The following ABCA12 variants were observed in gnomAD, a reference collection of about 807,000 sequenced individuals.
ABCA12 encodes the protein glucosylceramide transporter ABCA12.
In ABCA12, 156 loss-of-function variants were observed where a neutral mutation model predicts 293.5. The ratio of observed to expected loss-of-function variants is 0.53; its 90% CI spans 0.47 to 0.61. The LOEUF is 0.61. Ranked by LOEUF, ABCA12 falls within the 20% of genes least tolerant of loss-of-function variation. ABCA12 has a pLI of 0.00. For synonymous variants in ABCA12, 1,063 were observed against 1,108.0 expected (o/e 0.96, Z 0.81); for missense variants, 2,797 against 3,090.2 (o/e 0.91, Z 2.25).
chr2:214,992,519 C>CA (rs1400544682), intron 23 of ABCA12, among the ~76,000 whole-genome samples: 13 of 62,066 alleles, frequency 2.1e-4, no homozygotes, highest in Non-Finnish European at 2.6e-4. Flanking sequence ...TAGTATCCCC[C>CA]CCCTTTTTTT....
At chr2:214,955,489 C>G in intron 42 of ABCA12, 128 bp from the exon 43 acceptor site, 1 of 893,628 alleles carries the variant, frequency 1.1e-6, no homozygotes, top group Non-Finnish European at 1.8e-6. Flanking sequence ...TGAGACCAGC[C>G]TGAGCAACTT....
chr2:214,967,104 A>G (rs1308311681), intron 38 of ABCA12, 151 bp from the exon 39 acceptor site: 1 of 748,276 alleles, frequency 1.3e-6, no homozygotes, highest in African/African-American at 1.8e-5. Context: ...ACTGTTCTCT[A>G]GAGTACTGAC....
At chr2:214,934,938 A>G (rs372490709) in intron 51 of ABCA12, among the ~76,000 whole-genome samples, 8 of 152,174 alleles carry the variant, frequency 5.3e-5, no homozygotes, top group Non-Finnish European at 7.4e-5. Flanking sequence ...AGTTACTGCA[A>G]CAGCCTCTTC....
intron 3 of ABCA12, 142 bp from the exon 4 acceptor site, chr2:215,054,806 C>G (rs1402227712): frequency 1.5e-6 from 1 of 651,790 alleles, no homozygotes; most frequent in Non-Finnish European, 2.8e-6. Flanking sequence ...GAAGAATTCA[C>G]CTAACCACAC....
chr2:214,947,793 C>T (rs560331744), intron 47 of ABCA12: 4 of 521,676 alleles, frequency 7.7e-6, no homozygotes, highest in South Asian at 6.3e-5. Context: ...TTCCCTCCCC[C>T]ACCAAACGTG....
At chr2:214,984,018 G>A (rs1204138953) in intron 28 of ABCA12, among the ~76,000 whole-genome samples, 153 bp from the exon 29 acceptor site, 2 of 147,750 alleles carry the variant, frequency 1.4e-5, no homozygotes, top group African/African-American at 2.5e-5. Flanking sequence ...ATGGGAATAA[G>A]AAATATTACT....
At chr2:215,018,736 T>A (rs1700560018) in intron 13 of ABCA12, among the ~76,000 whole-genome samples, 1 of 152,254 alleles carries the variant, frequency 6.6e-6, no homozygotes, top group South Asian at 2.1e-4. Context: ...TTTAGCAGAT[T>A]GTAATAATCA....
rs766442590 is a variant in ABCA12, at chr2:215,138,222, CA to C, written c.-15del. ...CAGGGAAGCCATCCTTCAAATGCCC[CA>C]AATGAGAGATTTCCTCTTCTTTTCT... On this transcript the variant is annotated 5_prime_UTR_variant, in exon 1 of 53. Transcript: ENST00000272895. 6.2e-7 allele frequency: 1 copy of C among 1,613,812 alleles called. No individual in the cohort carries two copies.
chr2:214,938,131 G>C (rs1160656433), intron 50 of ABCA12, among the ~76,000 whole-genome samples: 4 of 151,260 alleles, frequency 2.6e-5, no homozygotes, highest in Non-Finnish European at 5.9e-5. Context: ...ACAGACCCTG[G>C]TGTGTGATGT....
At chr2:215,008,349 C>T (rs1007723692) in intron 18 of ABCA12, among the ~76,000 whole-genome samples, 6 of 151,670 alleles carry the variant, frequency 4.0e-5, no homozygotes, top group Admixed American at 2.0e-4. Context: ...TACATAAAAC[C>T]GATACACAAG....
chr2:214,962,031 T>G (rs1347019979), intron 39 of ABCA12: 1 of 152,200 alleles, frequency 6.6e-6, no homozygotes, highest in Non-Finnish European at 1.5e-5. Flanking sequence ...TAATAGACTA[T>G]TAGGCTATAA....
At chr2:214,989,655 G>C in intron 24 of ABCA12, 34 bp from the exon 25 acceptor site, 1 of 1,610,078 alleles carries the variant, frequency 6.2e-7, no homozygotes, top group South Asian at 1.1e-5. Context: ...GATAGTTCTT[G>C]TAGATTTCAT....
rs1316078917 is a variant in ABCA12 at position 215,012,082 on chromosome 2, G to A, written c.2010C>T (p.Phe670=). The A allele has an allele frequency of 8.1e-6, 13 of 1,613,760 alleles. No individual in the cohort carries two copies. The highest frequency in any genetic ancestry group is 1.1e-5 in the South Asian group (1 of 91,074). ...GATTGAGAATCTCTTTTAGTCTTAT[G>A]AAGAGCTCCATCATCTTTTCTACTG... ...QKPVEKMMEL[F]IRLKEILNQM... The change falls in exon 16 of 53, where the codon TTC becomes TTT. Residue 670 remains phenylalanine (F), a synonymous_variant. Transcript: ENST00000272895.
chr2:214,940,484 G>A (rs1698361910), intron 50 of ABCA12, among the ~76,000 whole-genome samples: 1 of 152,158 alleles, frequency 6.6e-6, no homozygotes, highest in Non-Finnish European at 1.5e-5. Flanking sequence ...CTTGTAAAAT[G>A]ATTTAGGGAG....
intron 1 of ABCA12, among the ~76,000 whole-genome samples, chr2:215,134,340 ATGTATATG>A (rs1339701543): frequency 1.6e-4 from 23 of 144,584 alleles, no homozygotes; most frequent in Non-Finnish European, 3.3e-4. Context: ...GTACATATAT[ATGTATATG>A]TGTATATATG....
At chr2:215,133,614 T>A (rs1332125942) in intron 1 of ABCA12, among the ~76,000 whole-genome samples, 2 of 152,144 alleles carry the variant, frequency 1.3e-5, no homozygotes, top group African/African-American at 2.4e-5. Context: ...TCATTATTTT[T>A]AAAGTTAAAT....
chr2:215,046,326 T>C (rs72950299), intron 6 of ABCA12, among the ~76,000 whole-genome samples: 2,657 of 151,304 alleles, frequency 0.018, 34 homozygotes, highest in Middle Eastern at 0.031. Context: ...TAATTTTAGC[T>C]CTGAGTAATG....
At position 214,978,822 on chromosome 2, in the gene ABCA12, T is replaced by C. The variant is rs1375024654; in HGVS notation, c.4959A>G (p.Ser1653=). ...GDLNIGCYGI[S]DTTVEEVFLN... is the part of the protein sequence containing the mutation. ...GGTATACCTCCTCCACGGTGGTATC[T>C]GAAATGCCGTAGCACCCGATGTTGA... The change falls in exon 32 of 53, where the codon TCA becomes TCG. Residue 1653 remains serine (S), a synonymous_variant. Transcript: ENST00000272895. 35 of 1,613,964 alleles carry C rather than the reference T, an allele frequency of 2.2e-5. No individual in the cohort carries two copies. The highest frequency in any genetic ancestry group is 2.7e-5 in the Non-Finnish European group (32 of 1,179,952).
intron 15 of ABCA12, among the ~76,000 whole-genome samples, chr2:215,015,260 G>C (rs1414630875): frequency 9.2e-5 from 4 of 43,364 alleles, no homozygotes; most frequent in Non-Finnish European, 1.7e-4. Context: ...ATTGGTCTCT[G>C]ATACACAAAC....
Sources: gnomAD v4.1 joint callset for allele counts (sites outside exome capture counted in the v4.1 genomes callset) on GRCh38, gnomAD v4.1.1 for gene constraint, MANE v1.5 for transcripts, NCBI Gene and HGNC (gene_info 2026-07-23, HGNC 2026-07-21) for gene names.